Variants in PLGRKT observed in about 807,000 individuals in gnomAD.
PLGRKT encodes plasminogen receptor with a C-terminal lysine, also known as plasminogen receptor (KT).
In PLGRKT, 22 loss-of-function variants were observed where a neutral mutation model predicts 18.5. That is an observed-to-expected ratio of 1.19 (90% CI 0.85 to 1.70). The LOEUF (loss-of-function observed/expected upper bound fraction) is 1.70, where lower values mean the gene tolerates loss of function less well. Ranked by LOEUF, PLGRKT falls within the 40% of genes most tolerant of loss-of-function variation. The pLI is 0.00. For synonymous variants in PLGRKT, 72 were observed against 52.8 expected (o/e 1.36, Z -1.58); for missense variants, 235 against 174.4 (o/e 1.35, Z -1.96).
At chr9:5,392,844 ATTATT>A (rs1181938614) in intron 3 of PLGRKT, among the ~76,000 whole-genome samples, 1 of 151,160 alleles carries the variant, frequency 6.6e-6, no homozygotes, top group Non-Finnish European at 1.5e-5. Context: ...TCATTTTATT[ATTATT>A]ATTTATTTTT....
At chr9:5,433,872 C>T (rs1334052539) in intron 2 of PLGRKT, among the ~76,000 whole-genome samples, 1 of 143,260 alleles carries the variant, frequency 7.0e-6, no homozygotes, top group African/African-American at 2.6e-5. Context: ...CTTTGCCCGG[C>T]CGCCCCGTCT....
intron 3 of PLGRKT, among the ~76,000 whole-genome samples, chr9:5,385,382 G>C (rs62557756): frequency 6.6e-6 from 1 of 151,596 alleles, no homozygotes; most frequent in African/African-American, 2.4e-5. Flanking sequence ...ATTTTTAGTA[G>C]AGACATGGTT....
chr9:5,424,500 C>A (rs1818646043), intron 3 of PLGRKT, among the ~76,000 whole-genome samples: 2 of 118,234 alleles, frequency 1.7e-5, no homozygotes, highest in Non-Finnish European at 1.6e-5. Context: ...ATATTATTAA[C>A]ATATAATATA....
intron 2 of PLGRKT, among the ~76,000 whole-genome samples, chr9:5,435,358 C>T (rs890899564): frequency 4.7e-5 from 7 of 149,184 alleles, no homozygotes; most frequent in African/African-American, 1.7e-4. Context: ...TGAGCTGTCT[C>T]AAGGTCAGTA....
intron 3 of PLGRKT, among the ~76,000 whole-genome samples, chr9:5,427,771 C>G (rs1403207186): frequency 6.6e-6 from 1 of 152,156 alleles, no homozygotes; most frequent in African/African-American, 2.4e-5. Flanking sequence ...ATGTGAGATG[C>G]TCATAGAAAT....
At chr9:5,409,365 G>C (rs187502880) in intron 3 of PLGRKT, among the ~76,000 whole-genome samples, 2 of 152,206 alleles carry the variant, frequency 1.3e-5, no homozygotes, top group Non-Finnish European at 2.9e-5. Flanking sequence ...TTAGACTGGC[G>C]TAGCCTCCTG....
At position 5,358,200 on chromosome 9, in the gene PLGRKT, A is replaced by AT. The variant is rs1330228340; in HGVS notation, c.*38dup. Reference sequence around the variant, plus strand: ...ACTGTAAAAACCATGATTCAAGTCAATAATTCTGTGCTTTGAGATTTGATT... The same window carrying AT: ...ACTGTAAAAACCATGATTCAAGTCAATTAATTCTGTGCTTTGAGATTTGATT... On this transcript the variant is annotated 3_prime_UTR_variant, in exon 6 of 6. Coordinates refer to ENST00000223864, the MANE Select transcript of PLGRKT (RefSeq NM_018465.4). 2.6e-6 allele frequency: 4 copies of AT among 1,523,306 alleles called. No individual in the cohort carries two copies. The African/African-American group carries it at 5.5e-5, about 21-fold the overall frequency. 94.4% of individuals were successfully genotyped at this position (1,523,306 alleles called of 1,614,324 possible).
chr9:5,362,704 A>T (rs1438436015), intron 3 of PLGRKT, among the ~76,000 whole-genome samples: 1 of 152,146 alleles, frequency 6.6e-6, no homozygotes, highest in Non-Finnish European at 1.5e-5. Flanking sequence ...AAGGACTAAT[A>T]ATGTGATTTA....
chr9:5,435,189 G>A (rs543630422), intron 2 of PLGRKT, among the ~76,000 whole-genome samples: 7 of 152,206 alleles, frequency 4.6e-5, no homozygotes, highest in South Asian at 4.2e-4. Context: ...GCCAAAGGCC[G>A]CAGGGACCTC....
chr9:5,407,039 T>G (rs1818271325), intron 3 of PLGRKT, among the ~76,000 whole-genome samples: 1 of 152,208 alleles, frequency 6.6e-6, no homozygotes, highest in South Asian at 2.1e-4. Flanking sequence ...ACTTTTATAT[T>G]GCTTTTAAAA....
chr9:5,409,580 C>T (rs1352522216), intron 3 of PLGRKT, among the ~76,000 whole-genome samples: 3 of 152,070 alleles, frequency 2.0e-5, no homozygotes, highest in Non-Finnish European at 2.9e-5. Flanking sequence ...CAGCTCAGAC[C>T]CTGCTCCTGG....
intron 4 of PLGRKT, among the ~76,000 whole-genome samples, chr9:5,361,547 G>A (rs1366298507): frequency 6.6e-6 from 1 of 152,174 alleles, no homozygotes; most frequent in Non-Finnish European, 1.5e-5. Flanking sequence ...TAATAAAGTA[G>A]AGAAAAAGAC....
chr9:5,415,171 C>G (rs1035127905), intron 3 of PLGRKT, among the ~76,000 whole-genome samples: 1 of 152,020 alleles, frequency 6.6e-6, no homozygotes, highest in Non-Finnish European at 1.5e-5. Flanking sequence ...GAAGCAGGTA[C>G]TCAAAAAAGG....
intron 3 of PLGRKT, among the ~76,000 whole-genome samples, chr9:5,420,526 A>C (rs10815216): frequency 0.31 from 46,569 of 151,994 alleles, 7,252 homozygotes; most frequent in South Asian, 0.41. Context: ...CCCAGAACGA[A>C]AAGCTAAATA....
chr9:5,406,666 T>C (rs558091622), intron 3 of PLGRKT, among the ~76,000 whole-genome samples: 4 of 152,252 alleles, frequency 2.6e-5, no homozygotes, highest in Non-Finnish European at 4.4e-5. Context: ...CTGGGCTTAA[T>C]ACCTAGGTGA....
At chr9:5,400,811 C>T (rs534081974) in intron 3 of PLGRKT, among the ~76,000 whole-genome samples, 4 of 151,990 alleles carry the variant, frequency 2.6e-5, no homozygotes, top group East Asian at 1.9e-4. Flanking sequence ...AATGTGAAGA[C>T]GCAAATTAGA....
intron 3 of PLGRKT, among the ~76,000 whole-genome samples, chr9:5,428,663 C>G (rs938487048): frequency 1.3e-5 from 2 of 152,112 alleles, no homozygotes; most frequent in Non-Finnish European, 2.9e-5. Context: ...CTTGAAGTAC[C>G]TATGTTAAAC....
chr9:5,404,086 T>C (rs1206516219), intron 3 of PLGRKT, among the ~76,000 whole-genome samples: 1 of 152,210 alleles, frequency 6.6e-6, no homozygotes, highest in Non-Finnish European at 1.5e-5. Context: ...CAGGAAGAAG[T>C]TGAACCCCTG....
intron 3 of PLGRKT, among the ~76,000 whole-genome samples, chr9:5,387,369 C>T (rs7040270): frequency 0.63 from 95,628 of 151,532 alleles, 32,791 homozygotes; most frequent in African/African-American, 0.91. Flanking sequence ...GCAACAATTG[C>T]CATAATAGAC....
Sources: gnomAD v4.1 joint callset for allele counts (sites outside exome capture counted in the v4.1 genomes callset) on GRCh38, gnomAD v4.1.1 for gene constraint, MANE v1.5 for transcripts, NCBI Gene and HGNC (gene_info 2026-07-23, HGNC 2026-07-21) for gene names.